Variants in MDGA1 observed in about 807,000 individuals in gnomAD.
MDGA1 encodes the protein MAM domain containing glycosylphosphatidylinositol anchor 1.
A neutral mutation model predicts 101.5 loss-of-function variants in MDGA1; 54 were observed. That is an observed-to-expected ratio of 0.53 (90% CI 0.43 to 0.67). MDGA1 has a LOEUF of 0.67. Ranked by LOEUF, MDGA1 falls within the 30% of genes least tolerant of loss-of-function variation. MDGA1 has a pLI of 0.00. For missense variants in MDGA1, 1,083 were observed against 1,323.8 expected (o/e 0.82, Z 2.82); for synonymous variants, 533 against 558.3 (o/e 0.95, Z 0.64).
At chr6:37,691,482 C>T (rs1300827237) in intron 1 of MDGA1, among the ~76,000 whole-genome samples, 1 of 152,120 alleles carries the variant, frequency 6.6e-6, no homozygotes, top group Non-Finnish European at 1.5e-5. Context: ...AAGGTTCATT[C>T]CCCCTCACAC....
Position 37,631,290 on chromosome 6 carries a change from A to G in MDGA1, c.*6078T>C, listed in dbSNP as rs1464270786. 1 of 152,224 alleles carries G rather than the reference A, an allele frequency of 6.6e-6. No individual in the cohort carries two copies. The highest frequency in any genetic ancestry group is 1.9e-4 in the East Asian group (1 of 5,206). 9.4% of individuals were successfully genotyped at this position (152,224 alleles called of 1,614,324 possible). The stretch of plus-strand genomic sequence containing the variant: ...TTTGTCCTCACAATAATGCACCTGT[A>G]CTTGAGTGAGCTTGAGCGGATTTCT... On this transcript the variant is annotated 3_prime_UTR_variant, in exon 17 of 17. Coordinates refer to ENST00000434837, the MANE Select transcript of MDGA1 (RefSeq NM_153487.4).
At position 37,638,680 on chromosome 6, in the gene MDGA1, T is replaced by C; in HGVS notation, c.2537-13A>G. The C allele has an allele frequency of 1.2e-6, 2 of 1,608,538 alleles. No homozygotes were observed. Among genetic ancestry groups the C allele is most frequent in the African/African-American group, 2.7e-5 (2 of 74,902 alleles). ...AGGTTGAGGGAGCCTGCGGTGGGTG[T>C]GAAGACAGTGGGCAGTGAGATCTGG... On this transcript the variant is annotated splice_polypyrimidine_tract_variant and intron_variant, in intron 14 of 16. Coordinates refer to ENST00000434837, the MANE Select transcript of MDGA1 (RefSeq NM_153487.4). This position sits in a 1 kb window ranked among gnomAD's most constrained non-coding sequence, Gnocchi z 4.8.
At chr6:37,647,794 ATG>A (rs1041831788) in intron 9 of MDGA1, among the ~76,000 whole-genome samples, 1 of 151,736 alleles carries the variant, frequency 6.6e-6, no homozygotes, top group African/African-American at 2.4e-5. Context: ...GAGGTGGGAA[ATG>A]TCACAGGGGC....
Position 37,655,650 on chromosome 6 carries a change from T to C in MDGA1, c.579+50A>G. 1 of 1,436,888 alleles carries C rather than the reference T, an allele frequency of 7.0e-7. No homozygotes were observed. Among genetic ancestry groups the C allele is most frequent in the Non-Finnish European group, 9.4e-7 (1 of 1,059,686 alleles). The allele number at this position is 1,436,888 out of a possible 1,614,324, so 89.0% of individuals were successfully genotyped here. On this transcript the variant is annotated intron_variant, in intron 4 of 16. Transcript: ENST00000434837. This position sits in a 1 kb window ranked among gnomAD's most constrained non-coding sequence, Gnocchi z 5.1. ...AACTCAGCCCCATGCCCCCCTCCCC[T>C]GTTGGATGCAGGAGAAGTGGTATGG... is the stretch of plus-strand genomic sequence containing the variant.
chr6:37,644,001 C>G, intron 13 of MDGA1, 58 bp from the exon 14 acceptor site: 1 of 1,596,348 alleles, frequency 6.3e-7, no homozygotes, highest in Non-Finnish European at 8.5e-7. Flanking sequence ...CTCTTCCTAC[C>G]TGATTCCCTC....
rs776896082 is a variant in MDGA1, at chr6:37,666,673, T to C, written c.68-2567A>G. 3.9e-4 allele frequency among the ~76,000 whole-genome samples: 59 copies of C among 152,216 alleles called. 1 individual carries two copies. The highest frequency in any genetic ancestry group is 1.3e-4 in the Non-Finnish European group (9 of 68,036). On this transcript the variant is annotated intron_variant, in intron 1 of 16. Transcript: ENST00000434837. The stretch of plus-strand genomic sequence containing the variant: ...GATCCCCAGCACAAGGCCTTGAACA[T>C]AGCAGGTGCTCAGTGAATGTTGAAC...
Position 37,655,904 on chromosome 6 carries a change from GGCACA to G in MDGA1, c.383-13_383-9del. The G allele has an allele frequency of 1.2e-6, 2 of 1,609,160 alleles. No individual in the cohort carries two copies. Among genetic ancestry groups the G allele is most frequent in the Non-Finnish European group, 8.5e-7 (1 of 1,177,698 alleles). On this transcript the variant is annotated splice_polypyrimidine_tract_variant and intron_variant, in intron 3 of 16. Transcript: ENST00000434837. This position sits in a 1 kb window ranked among gnomAD's most constrained non-coding sequence, Gnocchi z 5.1. ...GCATTGGCTCATCCAGGTCTGCAAG[GGCACA>G]GCCCCCATGGAGTCAGGACTGGGTG...
At position 37,648,724 on chromosome 6, in the gene MDGA1, G is replaced by A. The variant is rs1475827959; in HGVS notation, c.1894+258C>T. The stretch of plus-strand genomic sequence containing the variant: ...TGGAAGGCGAAGGCCTCAACCTCAA[G>A]GGAAGGTGTGAGTGGAGGGGCGTGG... On this transcript the variant is annotated intron_variant, in intron 9 of 16. Coordinates refer to ENST00000434837, the MANE Select transcript of MDGA1 (RefSeq NM_153487.4). 11 of 595,068 alleles carry A rather than the reference G, an allele frequency of 1.8e-5. 1 individual carries two copies. The highest frequency in any genetic ancestry group is 2.5e-5 in the Non-Finnish European group (9 of 357,514). 36.9% of individuals were successfully genotyped at this position (595,068 alleles called of 1,614,324 possible). A position where few individuals can be genotyped will look rare whatever the true frequency, so the allele number is the denominator to read the frequency against.
At chr6:37,647,763 G>A (rs1761245091) in intron 9 of MDGA1, among the ~76,000 whole-genome samples, 1 of 152,110 alleles carries the variant, frequency 6.6e-6, no homozygotes, top group Non-Finnish European at 1.5e-5. Context: ...GAAAGTGTGG[G>A]AGAACAGGGG....
At chr6:37,673,518 C>T (rs1434400576) in intron 1 of MDGA1, among the ~76,000 whole-genome samples, 2 of 152,232 alleles carry the variant, frequency 1.3e-5, no homozygotes, top group Non-Finnish European at 2.9e-5. Flanking sequence ...CCTGGGCCTC[C>T]TTCTGCCAGG....
intron 1 of MDGA1, among the ~76,000 whole-genome samples, chr6:37,683,303 AG>A (rs1762133713): frequency 6.6e-6 from 1 of 152,226 alleles, no homozygotes; most frequent in African/African-American, 2.4e-5. Flanking sequence ...TGGTGGCTGC[AG>A]GCAAGAGTTT....
chr6:37,676,795 G>T (rs990134024), intron 1 of MDGA1, among the ~76,000 whole-genome samples: 1 of 152,000 alleles, frequency 6.6e-6, no homozygotes, highest in South Asian at 2.1e-4. Context: ...TACTCGGGAG[G>T]CTGAGGCAGG....
intron 1 of MDGA1, among the ~76,000 whole-genome samples, chr6:37,684,706 C>T (rs1202538469): frequency 2.0e-5 from 3 of 152,180 alleles, no homozygotes; most frequent in Non-Finnish European, 2.9e-5. Flanking sequence ...CAGCTGAGCT[C>T]ACTCCTTGCC....
intron 2 of MDGA1, among the ~76,000 whole-genome samples, chr6:37,660,179 ATT>A (rs35391424): frequency 1.6e-3 from 236 of 145,238 alleles, no homozygotes; most frequent in Middle Eastern, 3.5e-3. Context: ...CACCTGGCTA[ATT>A]TTTTTTTTTT....
chr6:37,657,159 T>TA (rs5875590), intron 3 of MDGA1, among the ~76,000 whole-genome samples: 82,748 of 150,950 alleles, frequency 0.55, 23,962 homozygotes, highest in East Asian at 0.67. Context: ...ATCCTCACTT[T>TA]AAAAAAATAA....
At chr6:37,666,288 A>T (rs1272827396) in intron 1 of MDGA1, among the ~76,000 whole-genome samples, 1 of 148,570 alleles carries the variant, frequency 6.7e-6, no homozygotes, top group Non-Finnish European at 1.5e-5. Flanking sequence ...TGAACCTGGG[A>T]GGTGGAAGTT....
At chr6:37,660,504 C>G (rs537126100) in intron 2 of MDGA1, among the ~76,000 whole-genome samples, 2 of 152,028 alleles carry the variant, frequency 1.3e-5, no homozygotes, top group Non-Finnish European at 2.9e-5. Context: ...TTATCCAATT[C>G]ACTAATTTTT....
chr6:37,674,084 G>A (rs889001763), intron 1 of MDGA1, among the ~76,000 whole-genome samples: 2 of 152,160 alleles, frequency 1.3e-5, no homozygotes, highest in African/African-American at 2.4e-5. Flanking sequence ...ATGAGGCATA[G>A]CCCTTCTGGG....
At position 37,654,875 on chromosome 6, in the gene MDGA1, T is replaced by C. The variant is rs1183386392; in HGVS notation, c.637A>G (p.Thr213Ala). ...NLRPQDYASY[T>A]CQVSVRNVCG... ...ACGTTACGCACAGACACCTGGCAGG[T>C]GTAGCTGGCATAGTCCTGGGGCCGC... The change falls in exon 5 of 17, where the codon ACC becomes GCC. Residue 213 changes from threonine to alanine, a missense_variant. Coordinates refer to ENST00000434837, the MANE Select transcript of MDGA1 (RefSeq NM_153487.4). The C allele has an allele frequency of 3.1e-6, 5 of 1,613,578 alleles. No individual in the cohort carries two copies. The highest frequency in any genetic ancestry group is 3.3e-5 in the Admixed American group (2 of 59,962).
Sources: gnomAD v4.1 joint callset for allele counts (sites outside exome capture counted in the v4.1 genomes callset) on GRCh38, gnomAD v4.1.1 for gene constraint, Gnocchi (gnomAD v3.1) non-coding constraint, MANE v1.5 for transcripts, NCBI Gene and HGNC (gene_info 2026-07-23, HGNC 2026-07-21) for gene names.